The following GAL variants were observed in gnomAD, a reference collection of about 807,000 sequenced individuals.
GAL encodes galanin peptides.
A neutral mutation model predicts 15.8 loss-of-function variants in GAL; 14 were observed. That is an observed-to-expected ratio of 0.89 (90% CI 0.59 to 1.39). The LOEUF (loss-of-function observed/expected upper bound fraction) is 1.39, where lower values mean the gene tolerates loss of function less well. GAL is among the 40% of genes most tolerant of loss of function. GAL has a pLI of 0.00. For missense variants in GAL, 176 were observed against 170.4 expected, an observed-to-expected ratio of 1.03 and a Z score of -0.18; for synonymous variants, 79 against 73.8, an observed-to-expected ratio of 1.07 and a Z score of -0.36.
Position 68,684,904 on chromosome 11 carries a change from G to T in GAL, c.1-20G>T, listed in dbSNP as rs746262791. The T allele has an allele frequency of 3.3e-6, 5 of 1,535,054 alleles. No homozygotes were observed. Among genetic ancestry groups the T allele is most frequent in the Non-Finnish European group, 3.6e-6 (4 of 1,115,444 alleles). The stretch of plus-strand genomic sequence containing the variant: ...GCCCACTCCGGGTTCCGACCCGCCC[G>T]CCCTGTCCTTCCCTTCCAGATGGCC... On this transcript the variant is annotated intron_variant, in intron 1 of 5. Coordinates refer to ENST00000265643, the MANE Select transcript of GAL (RefSeq NM_015973.5).
At chr11:68,690,046 C>T (rs1396055471) in intron 5 of GAL, among the ~76,000 whole-genome samples, 4 of 151,456 alleles carry the variant, frequency 2.6e-5, no homozygotes, top group South Asian at 2.1e-4. Context: ...AAGACCTTCA[C>T]CTGGTGCTCT....
chr11:68,685,145 G>T, intron 2 of GAL, 141 bp downstream of exon 2: 1 of 626,250 alleles, frequency 1.6e-6, no homozygotes, highest in South Asian at 1.8e-5. Context: ...TCCTGGCTGC[G>T]GGCGTCGCGG....
At position 68,688,917 on chromosome 11, in the gene GAL, C is replaced by A. The variant is rs1945879940; in HGVS notation, c.292C>A (p.His98Asn). 6.7e-7 allele frequency: 1 copy of A among 1,500,712 alleles called. No individual in the cohort carries two copies. Among genetic ancestry groups the A allele is most frequent in the Non-Finnish European group, 9.3e-7 (1 of 1,076,662 alleles). The allele number at this position is 1,500,712 out of a possible 1,614,324, so 93.0% of individuals were successfully genotyped here. A position where few individuals can be genotyped will look rare whatever the true frequency, so the allele number is the denominator to read the frequency against. Residue 98 changes from histidine to asparagine, a missense_variant, in exon 5 of 6, where the codon CAT (histidine) becomes AAT (asparagine). His to Asn is a moderately conservative substitution (Grantham distance 68). Coordinates refer to ENST00000265643, the MANE Select transcript of GAL (RefSeq NM_015973.5). Reference protein sequence around the residue: ...RTIIEFLSFLHLKEAGALDRL... With the variant: ...RTIIEFLSFLNLKEAGALDRL... The stretch of plus-strand genomic sequence containing the variant: ...AATCATTGAGTTTCTGTCTTTCTTG[C>A]ATCTCAAAGGTATGTGAAATATCAT...
chr11:68,690,632 A>T (rs1341530996), intron 5 of GAL, among the ~76,000 whole-genome samples: 1 of 152,212 alleles, frequency 6.6e-6, no homozygotes, highest in African/African-American at 2.4e-5. Flanking sequence ...TGTAACATGG[A>T]AACTCTTTCC....
Position 68,684,956 on chromosome 11 carries a change from C to T in GAL, c.33C>T (p.Ser11=), listed in dbSNP as rs1409603806. 6.2e-7 allele frequency: 1 copy of T among 1,609,426 alleles called. No homozygotes were observed. The highest frequency in any genetic ancestry group is 8.5e-7 in the Non-Finnish European group (1 of 1,178,202). ...GAGGCAGCGCCCTCCTGCTCGCCTC[C>T]CTCCTCCTCGCCGCGGCCCTTTCTG... MARGSALLLA[S]LLLAAALSAS... is the part of the protein sequence containing the mutation. Residue 11 remains serine, a synonymous_variant, in exon 2 of 6, where the codon TCC becomes TCT. Transcript: ENST00000265643.
chr11:68,688,103 G>T lies in GAL; in HGVS notation c.223+3G>T. 1 of 1,593,988 alleles carries T rather than the reference G, an allele frequency of 6.3e-7. No homozygotes were observed. ...GCCCGAAGATGACATGAAACCAGGT[G>T]AGAGGACTCCTATCCCGGGCCCCGG... On this transcript the variant is annotated splice_donor_region_variant and intron_variant, in intron 4 of 5. Coordinates refer to ENST00000265643, the MANE Select transcript of GAL (RefSeq NM_015973.5).
At chr11:68,685,734 C>A in intron 3 of GAL, 86 bp downstream of exon 3, 3 of 884,030 alleles carry the variant, frequency 3.4e-6, no homozygotes, top group East Asian at 2.6e-5. Flanking sequence ...CCGCCTGCGG[C>A]TGGGCAGACC....
At chr11:68,689,637 C>A (rs1184098356) in intron 5 of GAL, among the ~76,000 whole-genome samples, 10 of 152,174 alleles carry the variant, frequency 6.6e-5, no homozygotes, top group African/African-American at 2.4e-4. Context: ...CCTCAAGTGA[C>A]CTGTCTGCCT....
intron 3 of GAL, among the ~76,000 whole-genome samples, chr11:68,687,658 C>T (rs556628211): frequency 6.6e-6 from 1 of 152,324 alleles, no homozygotes; most frequent in East Asian, 1.9e-4. Context: ...GGGAGTCACC[C>T]AGTTTGATGC....
At chr11:68,684,770 G>A in intron 1 of GAL, 38 bp downstream of exon 1, 1 of 524,278 alleles carries the variant, frequency 1.9e-6, no homozygotes, top group South Asian at 2.6e-5. Context: ...GCCCCCGGGA[G>A]GCCTCCCCTT....
Position 68,688,052 on chromosome 11 carries a change from G to C in GAL, c.175G>C (p.Gly59Arg). The C allele has an allele frequency of 3.1e-6, 5 of 1,613,158 alleles. No individual in the cohort carries two copies. The highest frequency in any genetic ancestry group is 4.2e-6 in the Non-Finnish European group (5 of 1,179,294). Residue 59 changes from glycine (G) to arginine (R), a missense_variant, in exon 4 of 6, where the codon GGC (glycine) becomes CGC (arginine). Gly to Arg is a moderately radical substitution (Grantham distance 125). Transcript: ENST00000265643. Reference sequence around the variant, plus strand: ...CCACAGGTCATTCAGCGACAAGAATGGCCTCACCAGCAAGCGGGAGCTGCG... The same window carrying C: ...CCACAGGTCATTCAGCGACAAGAATCGCCTCACCAGCAAGCGGGAGCTGCG... ...GNHRSFSDKN[G>R]LTSKRELRPE...
intron 5 of GAL, among the ~76,000 whole-genome samples, chr11:68,689,645 C>T (rs1052284091): frequency 1.1e-4 from 16 of 152,214 alleles, no homozygotes; most frequent in Admixed American, 7.9e-4. Flanking sequence ...GACCTGTCTG[C>T]CTCAGTCTCC....
At chr11:68,687,631 G>T (rs1945866136) in intron 3 of GAL, among the ~76,000 whole-genome samples, 1 of 152,180 alleles carries the variant, frequency 6.6e-6, no homozygotes, top group Admixed American at 6.5e-5. Context: ...TGAGGACCCA[G>T]CTCCTGTTGT....
At chr11:68,686,656 G>A (rs367630455) in intron 3 of GAL, among the ~76,000 whole-genome samples, 4 of 152,178 alleles carry the variant, frequency 2.6e-5, no homozygotes, top group African/African-American at 7.2e-5. Context: ...GGCCGCGTGC[G>A]GATCGGTCCA....
intron 5 of GAL, among the ~76,000 whole-genome samples, chr11:68,690,702 T>G (rs1219811467): frequency 6.6e-6 from 1 of 152,226 alleles, no homozygotes; most frequent in East Asian, 1.9e-4. Context: ...AGCCTGAATT[T>G]AAAAGTCTGA....
chr11:68,689,897 G>A (rs1256982727), intron 5 of GAL, among the ~76,000 whole-genome samples: 1 of 152,240 alleles, frequency 6.6e-6, no homozygotes, highest in East Asian at 1.9e-4. Flanking sequence ...TCTACGATGG[G>A]CATCTGGCCT....
At position 68,691,078 on chromosome 11, in the gene GAL, C is replaced by T; in HGVS notation, c.*91C>T. 2.5e-6 allele frequency: 2 copies of T among 813,070 alleles called. No individual in the cohort carries two copies. The highest frequency in any genetic ancestry group is 4.3e-6 in the Non-Finnish European group (2 of 462,694). The allele number at this position is 813,070 out of a possible 1,614,324, so 50.4% of individuals were successfully genotyped here. ...CTTCGGCCAATTTATGCAGAGTCAG[C>T]CATTCCTGTTCTCTTTGCCTTGATG... On this transcript the variant is annotated 3_prime_UTR_variant, in exon 6 of 6. Transcript: ENST00000265643.
At chr11:68,689,546 A>G (rs1217641345) in intron 5 of GAL, among the ~76,000 whole-genome samples, 1 of 152,062 alleles carries the variant, frequency 6.6e-6, no homozygotes, top group Non-Finnish European at 1.5e-5. Flanking sequence ...ACAGGTGCGC[A>G]CAATTATGCC....
Position 68,684,951 on chromosome 11 carries a change from G to C in GAL, c.28G>C (p.Ala10Pro). 1 of 1,609,320 alleles carries C rather than the reference G, an allele frequency of 6.2e-7. No individual in the cohort carries two copies. Among genetic ancestry groups the C allele is most frequent in the East Asian group, 2.2e-5 (1 of 44,794 alleles). Reference protein sequence around the residue: MARGSALLLASLLLAAALSA... With the variant: MARGSALLLPSLLLAAALSA... Reference sequence around the variant, plus strand: ...GGCCCGAGGCAGCGCCCTCCTGCTCGCCTCCCTCCTCCTCGCCGCGGCCCT... The same window carrying C: ...GGCCCGAGGCAGCGCCCTCCTGCTCCCCTCCCTCCTCCTCGCCGCGGCCCT... Residue 10 changes from alanine to proline, a missense_variant, in exon 2 of 6, where the codon GCC (alanine) becomes CCC (proline). Physicochemically the swap from Ala to Pro is conservative, Grantham distance 27 (BLOSUM62 -1). Coordinates refer to ENST00000265643, the MANE Select transcript of GAL (RefSeq NM_015973.5).
Sources: gnomAD v4.1 joint callset for allele counts (sites outside exome capture counted in the v4.1 genomes callset) on GRCh38, gnomAD v4.1.1 for gene constraint, MANE v1.5 for transcripts, NCBI Gene and HGNC (gene_info 2026-07-23, HGNC 2026-07-21) for gene names.